CDH9: variants seen among roughly 807,000 people sequenced by gnomAD.
CDH9 encodes the protein cadherin-9.
A neutral mutation model predicts 70.9 loss-of-function variants in CDH9; 28 were observed. That is an observed-to-expected ratio of 0.40 (90% CI 0.29 to 0.54). The LOEUF is 0.54. Among genes scored for constraint, CDH9 ranks in the 20% least tolerant of loss-of-function variants. CDH9 has a pLI of 0.59. For missense variants in CDH9, 874 were observed against 984.4 expected, an observed-to-expected ratio of 0.89 and a Z score of 1.50; for synonymous variants, 409 against 343.1, an observed-to-expected ratio of 1.19 and a Z score of -2.12.
chr5:27,012,779 C>A (rs1742980963), intron 1 of CDH9, among the ~76,000 whole-genome samples: 1 of 151,960 alleles, frequency 6.6e-6, no homozygotes, highest in Non-Finnish European at 1.5e-5. Context: ...TTTTCCTTTG[C>A]CAATCACTTA....
At chr5:26,913,452 C>T (rs1561193109) in intron 3 of CDH9, among the ~76,000 whole-genome samples, 2 of 151,826 alleles carry the variant, frequency 1.3e-5, no homozygotes, top group Non-Finnish European at 2.9e-5. Context: ...TTTTTAGTTC[C>T]AAAAGCTGCA....
chr5:26,926,067 ACG>A (rs1367113493), intron 2 of CDH9, among the ~76,000 whole-genome samples: 2 of 152,148 alleles, frequency 1.3e-5, no homozygotes, highest in Admixed American at 6.6e-5. Flanking sequence ...TTCCTATTCA[ACG>A]TAGTGTTGGA....
intron 2 of CDH9, among the ~76,000 whole-genome samples, chr5:26,972,350 G>T (rs1486339551): frequency 1.3e-5 from 2 of 152,092 alleles, no homozygotes; most frequent in Admixed American, 1.3e-4. Context: ...CACAAAAAAG[G>T]CAGAGACATC....
intron 2 of CDH9, among the ~76,000 whole-genome samples, chr5:26,946,735 C>G (rs1462191788): frequency 6.6e-6 from 1 of 152,144 alleles, no homozygotes; most frequent in Admixed American, 6.5e-5. Flanking sequence ...CAGGCCTTCT[C>G]ATGATTCTGT....
At chr5:26,889,271 T>TA (rs1740616088) in intron 9 of CDH9, among the ~76,000 whole-genome samples, 1 of 152,138 alleles carries the variant, frequency 6.6e-6, no homozygotes, top group Non-Finnish European at 1.5e-5. Context: ...TATTTAGAAT[T>TA]ACTTTATATA....
chr5:26,906,792 G>A lies in CDH9; in HGVS notation c.570C>T (p.Asn190=). Residue 190 remains asparagine, a synonymous_variant, in exon 4 of 12, where the codon AAC becomes AAT. Coordinates refer to ENST00000231021, the MANE Select transcript of CDH9 (RefSeq NM_016279.4). The stretch of plus-strand genomic sequence containing the variant: ...AGACCACTTTGGCACTATTTCCATA[G>A]TTGGCGTCATCTGCATCTGTTGCAG... ...QVTATDADDA[N]YGNSAKVVYS... is the part of the protein sequence containing the mutation. 6.2e-7 allele frequency: 1 copy of A among 1,613,124 alleles called. No individual in the cohort carries two copies. The highest frequency in any genetic ancestry group is 8.5e-7 in the Non-Finnish European group (1 of 1,179,474).
At chr5:26,908,926 TA>T (rs1482656586) in intron 3 of CDH9, among the ~76,000 whole-genome samples, 4 of 152,166 alleles carry the variant, frequency 2.6e-5, no homozygotes, top group Non-Finnish European at 2.9e-5. Context: ...GAGGTGTAAT[TA>T]AAAGTTAAAA....
At chr5:26,989,062 A>G (rs1742537055) in intron 1 of CDH9, among the ~76,000 whole-genome samples, 1 of 152,090 alleles carries the variant, frequency 6.6e-6, no homozygotes, top group African/African-American at 2.4e-5. Flanking sequence ...AGCATTTTAC[A>G]TGGTAATTAA....
At chr5:26,960,064 C>T (rs952107941) in intron 2 of CDH9, among the ~76,000 whole-genome samples, 2 of 151,780 alleles carry the variant, frequency 1.3e-5, no homozygotes, top group Non-Finnish European at 2.9e-5. Context: ...GAATTTGGAT[C>T]GTCTTTAATT....
chr5:26,979,453 T>G (rs201096707), intron 2 of CDH9, among the ~76,000 whole-genome samples: 1 of 43,076 alleles, frequency 2.3e-5, no homozygotes, highest in African/African-American at 1.0e-4. Flanking sequence ...TAGAAAAAAA[T>G]TAAAAAAACA....
chr5:26,892,741 C>CT (rs1264158154), intron 7 of CDH9, among the ~76,000 whole-genome samples: 6 of 151,486 alleles, frequency 4.0e-5, no homozygotes, highest in Non-Finnish European at 8.8e-5. Context: ...TTTTTCTTTT[C>CT]TTTTTTTGAG....
chr5:27,017,248 A>C (rs1343792777), intron 1 of CDH9, among the ~76,000 whole-genome samples: 1 of 152,018 alleles, frequency 6.6e-6, no homozygotes, highest in Non-Finnish European at 1.5e-5. Context: ...TTGAGGTGAC[A>C]GAAAGACTCA....
intron 2 of CDH9, among the ~76,000 whole-genome samples, chr5:26,966,749 T>G (rs145969203): frequency 6.6e-6 from 1 of 152,196 alleles, no homozygotes; most frequent in Non-Finnish European, 1.5e-5. Flanking sequence ...TACATTCTTC[T>G]GATTCCCTTA....
At chr5:26,930,471 T>A (rs1741423098) in intron 2 of CDH9, among the ~76,000 whole-genome samples, 1 of 152,088 alleles carries the variant, frequency 6.6e-6, no homozygotes, top group African/African-American at 2.4e-5. Flanking sequence ...GGGTTTCACA[T>A]CCTGCAAACA....
intron 1 of CDH9, among the ~76,000 whole-genome samples, chr5:27,015,755 C>T (rs1743036709): frequency 1.3e-5 from 2 of 151,638 alleles, no homozygotes; most frequent in Admixed American, 6.6e-5. Context: ...AAAGCTTTTG[C>T]AAATGAGAGT....
chr5:27,034,756 G>A (rs1314013974), intron 1 of CDH9, among the ~76,000 whole-genome samples: 1 of 151,398 alleles, frequency 6.6e-6, no homozygotes, highest in Non-Finnish European at 1.5e-5. Context: ...TTTTGTTCAG[G>A]CACTTTGCAT....
intron 1 of CDH9, among the ~76,000 whole-genome samples, chr5:27,024,067 A>G (rs1743183100): frequency 1.3e-5 from 2 of 151,882 alleles, no homozygotes; most frequent in Admixed American, 1.3e-4. Flanking sequence ...TAAATAAATA[A>G]ATAAATAAAT....
chr5:26,886,139 T>A, intron 9 of CDH9, 56 bp from the exon 10 acceptor site: 2 of 1,509,642 alleles, frequency 1.3e-6, no homozygotes, highest in Non-Finnish European at 1.8e-6. Flanking sequence ...TTCTTGTTAT[T>A]ACAAGATATC....
chr5:26,898,543 C>G (rs1740793981), intron 7 of CDH9, among the ~76,000 whole-genome samples: 1 of 152,118 alleles, frequency 6.6e-6, no homozygotes, highest in Non-Finnish European at 1.5e-5. Context: ...TGATCTTTGA[C>G]AAACCTGACA....
Sources: allele counts gnomAD v4.1 joint callset (sites outside exome capture counted in the v4.1 genomes callset), GRCh38; gene constraint gnomAD v4.1.1; transcripts MANE v1.5; gene names NCBI Gene and HGNC (gene_info 2026-07-23, HGNC 2026-07-21).